The following PTPRD variants were observed in gnomAD, a reference collection of about 807,000 sequenced individuals.
The protein encoded by PTPRD is receptor-type tyrosine-protein phosphatase delta.
Under a neutral mutation model 214.5 loss-of-function variants are expected in PTPRD, and 34 were observed. That is an observed-to-expected ratio of 0.16 (90% CI 0.12 to 0.21). PTPRD has a LOEUF of 0.21. PTPRD is among the 10% of genes least tolerant of loss of function. PTPRD has a pLI of 1.00. For missense variants in PTPRD, 2,545 were observed against 2,398.7 expected, an observed-to-expected ratio of 1.06 and a Z score of -1.27; for synonymous variants, 1,128 against 845.7, an observed-to-expected ratio of 1.33 and a Z score of -5.79.
chr9:9,996,703 G>C (rs1288750074), intron 4 of PTPRD, among the ~76,000 whole-genome samples: 1 of 152,194 alleles, frequency 6.6e-6, no homozygotes, highest in Non-Finnish European at 1.5e-5. Context: ...GGTAATTATT[G>C]TCTAATTATT....
At chr9:9,826,712 A>T (rs1451572182) in intron 5 of PTPRD, among the ~76,000 whole-genome samples, 2 of 152,048 alleles carry the variant, frequency 1.3e-5, no homozygotes, top group Non-Finnish European at 2.9e-5. Context: ...GATCTTTTGC[A>T]AAGAGGGACA....
chr9:8,740,535 G>T (rs2091652692), intron 11 of PTPRD, among the ~76,000 whole-genome samples: 1 of 152,126 alleles, frequency 6.6e-6, no homozygotes, highest in African/African-American at 2.4e-5. Flanking sequence ...GAGAAAAGGG[G>T]CCATTGAACA....
chr9:9,235,206 C>T (rs932332565), intron 9 of PTPRD, among the ~76,000 whole-genome samples: 1 of 152,086 alleles, frequency 6.6e-6, no homozygotes, highest in Admixed American at 6.6e-5. Flanking sequence ...CTTATGCAAA[C>T]CCAGTCACTA....
At chr9:8,929,805 A>ATATGTG (rs1567062289) in intron 11 of PTPRD, among the ~76,000 whole-genome samples, 30 of 100,150 alleles carry the variant, frequency 3.0e-4, no homozygotes, top group East Asian at 1.5e-3. Flanking sequence ...GTGTGTATAT[A>ATATGTG]TGTGTATATA....
intron 8 of PTPRD, among the ~76,000 whole-genome samples, chr9:9,431,827 C>G (rs1351023307): frequency 6.9e-6 from 1 of 143,940 alleles, no homozygotes; most frequent in East Asian, 2.1e-4. Context: ...AGTGCATGTT[C>G]TCTCTCATAG....
At chr9:8,325,996 A>T (rs899803238) in intron 44 of PTPRD, among the ~76,000 whole-genome samples, 1 of 152,208 alleles carries the variant, frequency 6.6e-6, no homozygotes, top group African/African-American at 2.4e-5. Flanking sequence ...TTCTAAATAT[A>T]CAATGTTGTC....
Position 10,233,875 on chromosome 9 carries a change from CA to C in PTPRD, c.-545+107087del, listed in dbSNP as rs558298016. On this transcript the variant is annotated intron_variant, in intron 3 of 45. Coordinates refer to ENST00000381196, the MANE Select transcript of PTPRD (RefSeq NM_002839.4). ...AATGAGTAGCCCTAGTAAGAGGACT[CA>C]GGGGCAAATCAAAAGTTTTACCTTT... 1.2e-4 allele frequency among the ~76,000 whole-genome samples: 18 copies of C among 152,028 alleles called. No homozygotes were observed. The South Asian group carries it at 3.3e-3, about 28-fold the overall frequency.
chr9:9,803,642 G>C (rs1241404825), intron 5 of PTPRD: 3 of 151,658 alleles, frequency 2.0e-5, no homozygotes, highest in Non-Finnish European at 4.4e-5. Context: ...ATCTCTGCCT[G>C]GTATACCAAT....
At chr9:8,773,656 T>C (rs1247263104) in intron 11 of PTPRD, among the ~76,000 whole-genome samples, 2 of 152,208 alleles carry the variant, frequency 1.3e-5, no homozygotes, top group South Asian at 2.1e-4. Context: ...CTTCATTGAA[T>C]TCCCATCATT....
intron 3 of PTPRD, among the ~76,000 whole-genome samples, chr9:10,260,903 T>C (rs1197552013): frequency 1.3e-5 from 2 of 151,742 alleles, no homozygotes; most frequent in African/African-American, 4.8e-5. Flanking sequence ...TGCTGCTCTT[T>C]CTAATTCTTG....
At chr9:10,302,864 T>C (rs923533759) in intron 3 of PTPRD, among the ~76,000 whole-genome samples, 1 of 151,950 alleles carries the variant, frequency 6.6e-6, no homozygotes, top group Non-Finnish European at 1.5e-5. Context: ...AGACAGAAAA[T>C]TAACAAGGAT....
At chr9:10,080,201 A>G (rs1035325187) in intron 3 of PTPRD, among the ~76,000 whole-genome samples, 6 of 152,138 alleles carry the variant, frequency 3.9e-5, no homozygotes, top group African/African-American at 1.2e-4. Flanking sequence ...ACTAGCTACA[A>G]ATCATCACCA....
intron 8 of PTPRD, among the ~76,000 whole-genome samples, chr9:9,445,346 A>C (rs1379160744): frequency 6.6e-6 from 1 of 152,140 alleles, no homozygotes; most frequent in African/African-American, 2.4e-5. Context: ...TTTCCTTGAG[A>C]TCTGGAAAAA....
intron 17 of PTPRD, among the ~76,000 whole-genome samples, chr9:8,525,878 A>C (rs1564072706): frequency 6.6e-6 from 1 of 152,154 alleles, no homozygotes; most frequent in Non-Finnish European, 1.5e-5. Flanking sequence ...TCGAAGTATG[A>C]AAAACCAGCA....
intron 7 of PTPRD, among the ~76,000 whole-genome samples, chr9:9,633,301 C>T (rs931864212): frequency 3.4e-5 from 5 of 149,078 alleles, no homozygotes; most frequent in Admixed American, 2.7e-4. Flanking sequence ...GACTCCATCT[C>T]AGGGAAAAAA....
chr9:9,037,023 G>C (rs2099624002), intron 10 of PTPRD, among the ~76,000 whole-genome samples: 1 of 152,134 alleles, frequency 6.6e-6, no homozygotes, highest in Non-Finnish European at 1.5e-5. Flanking sequence ...CAATCTACAA[G>C]GTTGGGTACT....
intron 10 of PTPRD, among the ~76,000 whole-genome samples, chr9:9,086,579 C>T (rs1042181908): frequency 6.6e-6 from 1 of 152,148 alleles, no homozygotes; most frequent in Non-Finnish European, 1.5e-5. Context: ...TAGCCACAAC[C>T]ATCTTGTCCT....
chr9:9,371,956 G>A lies in PTPRD; in HGVS notation c.-203+25493C>T, dbSNP rs548958650. 2.0e-3 allele frequency among the ~76,000 whole-genome samples: 300 copies of A among 152,274 alleles called. 2 individuals are homozygous for A. In the Middle Eastern group the frequency reaches 0.051, roughly 26 times the overall value. ...GTTTCTTAATCCTGAGTTCTAGTTT[G>A]ATTGCACTGTGGTCTGAGAGACAGT... On this transcript the variant is annotated intron_variant, in intron 9 of 45. Coordinates refer to ENST00000381196, the MANE Select transcript of PTPRD (RefSeq NM_002839.4).
intron 10 of PTPRD, among the ~76,000 whole-genome samples, chr9:9,064,730 G>A (rs1190953423): frequency 6.6e-6 from 1 of 152,168 alleles, no homozygotes; most frequent in South Asian, 2.1e-4. Context: ...CAGTTAGTAT[G>A]GACATTCGGT....
Sources: allele counts gnomAD v4.1 joint callset (sites outside exome capture counted in the v4.1 genomes callset), GRCh38; gene constraint gnomAD v4.1.1; transcripts MANE v1.5; gene names NCBI Gene and HGNC (gene_info 2026-07-23, HGNC 2026-07-21).